TOMM20: variants seen among roughly 807,000 people sequenced by gnomAD.
The protein encoded by TOMM20 is mitochondrial import receptor subunit TOM20 homolog.
A neutral mutation model predicts 22.1 loss-of-function variants in TOMM20; 10 were observed. The ratio of observed to expected loss-of-function variants is 0.45; its 90% confidence interval spans 0.28 to 0.77. The LOEUF is 0.77. Ranked by LOEUF, TOMM20 falls within the 30% of genes least tolerant of loss-of-function variation. The pLI, the probability that TOMM20 is intolerant of heterozygous loss-of-function variation, is 0.13. For synonymous variants in TOMM20, 55 were observed against 61.4 expected, an observed-to-expected ratio of 0.90 and a Z score of 0.49; for missense variants, 121 against 172.2, an observed-to-expected ratio of 0.70 and a Z score of 1.66.
chr1:235,128,605 C>T lies in TOMM20; in HGVS notation c.111G>A (p.Arg37=). ...KRRSDPNFKN[R]LRERRKKQKL... is the part of the protein sequence containing the mutation. ...AGAGGACCCACTCACGTTCTCGAAG[C>T]CTGTTCTTGAAGTTGGGGTCACTTC... Residue 37 remains arginine, a synonymous_variant, in exon 1 of 5, where the codon AGG becomes AGA. Transcript: ENST00000366607. 6.2e-7 allele frequency: 1 copy of T among 1,612,786 alleles called. No homozygotes were observed. Among genetic ancestry groups the T allele is most frequent in the Non-Finnish European group, 8.5e-7 (1 of 1,179,936 alleles).
intron 2 of TOMM20, among the ~76,000 whole-genome samples, chr1:235,120,100 G>T (rs1660903401): frequency 6.6e-6 from 1 of 152,192 alleles, no homozygotes; most frequent in South Asian, 2.1e-4. Flanking sequence ...ACTTGAGTTT[G>T]TAGTTGAATA....
chr1:235,117,110 G>C (rs563611735), intron 3 of TOMM20, among the ~76,000 whole-genome samples: 1 of 114,280 alleles, frequency 8.8e-6, no homozygotes, highest in African/African-American at 3.4e-5. Context: ...ACTCCAGCCT[G>C]GGCGACAGAG....
Position 235,128,741 on chromosome 1 carries a change from G to A in TOMM20, c.-26C>T, listed in dbSNP as rs200119565. 3.5e-4 allele frequency: 566 copies of A among 1,613,178 alleles called. 2 individuals carry two copies. In the African/African-American group the frequency reaches 6.9e-3, roughly 20 times the overall value. ...CTTCTCTACAACGCTGAGCGTGGACGGTGGCGGCAGGGACCGCGAAGGAGC... is the reference window on the plus strand; with the variant it reads ...CTTCTCTACAACGCTGAGCGTGGACAGTGGCGGCAGGGACCGCGAAGGAGC... On this transcript the variant is annotated 5_prime_UTR_variant, in exon 1 of 5. Transcript: ENST00000366607.
intron 1 of TOMM20, 141 bp downstream of exon 1, chr1:235,128,454 A>G (rs1661072131): frequency 7.6e-7 from 1 of 1,324,316 alleles, no homozygotes. Flanking sequence ...GGAGCGGCGC[A>G]GCCAGCGCCA....
intron 3 of TOMM20, among the ~76,000 whole-genome samples, chr1:235,116,744 T>C (rs1660834649): frequency 6.6e-6 from 1 of 151,912 alleles, no homozygotes; most frequent in Admixed American, 6.6e-5. Context: ...CTCAGACCTT[T>C]TCCAGTTCTT....
intron 3 of TOMM20, among the ~76,000 whole-genome samples, chr1:235,116,650 G>C (rs1660832666): frequency 6.6e-6 from 1 of 151,718 alleles, no homozygotes; most frequent in Non-Finnish European, 1.5e-5. Flanking sequence ...GGTGGAAGTT[G>C]CAGTGAGCTG....
intron 1 of TOMM20, among the ~76,000 whole-genome samples, chr1:235,125,793 A>C (rs1464086991): frequency 6.7e-6 from 1 of 148,332 alleles, no homozygotes; most frequent in Non-Finnish European, 1.5e-5. Context: ...CTCTGTCCCC[A>C]GGCTGGAGTG....
At chr1:235,116,986 C>T (rs994209777) in intron 3 of TOMM20, among the ~76,000 whole-genome samples, 143 of 150,128 alleles carry the variant, frequency 9.5e-4, no homozygotes, top group African/African-American at 1.6e-3. Context: ...ATACAAAAAA[C>T]TAGCCGGGCG....
chr1:235,121,267 A>G (rs4589167), intron 2 of TOMM20, among the ~76,000 whole-genome samples: 5 of 152,162 alleles, frequency 3.3e-5, no homozygotes, highest in Non-Finnish European at 7.4e-5. Flanking sequence ...TACACTGTAC[A>G]TACTCTTATT....
At chr1:235,122,134 G>A (rs1660940679) in intron 2 of TOMM20, among the ~76,000 whole-genome samples, 192 bp downstream of exon 2, 1 of 152,094 alleles carries the variant, frequency 6.6e-6, no homozygotes. Flanking sequence ...AAGAAATAAT[G>A]AAGGACTCGA....
rs533129011 is a variant in TOMM20 at position 235,125,246 on chromosome 1, G to A, written c.122-2874C>T. Among the ~76,000 whole-genome samples the A allele has an allele frequency of 2.4e-4, 36 of 151,986 alleles. 1 individual carries two copies. The highest frequency in any genetic ancestry group is 7.7e-4 in the African/African-American group (32 of 41,416). ...TTTTTTCTTTTTGAGACGGAGTCTC[G>A]CTTTGTCGCCCAGGCGGGAGTGCAG... On this transcript the variant is annotated intron_variant, in intron 1 of 4. Transcript: ENST00000366607.
At chr1:235,125,316 G>T (rs528595606) in intron 1 of TOMM20, among the ~76,000 whole-genome samples, 1 of 152,150 alleles carries the variant, frequency 6.6e-6, no homozygotes, top group African/African-American at 2.4e-5. Context: ...CCGAGTTCAC[G>T]CCATTCTCCT....
chr1:235,123,009 G>A (rs1660952504), intron 1 of TOMM20, among the ~76,000 whole-genome samples: 1 of 152,164 alleles, frequency 6.6e-6, no homozygotes. Context: ...TTAAGAAAAT[G>A]TAAGGCTCCA....
intron 4 of TOMM20, 108 bp downstream of exon 4, chr1:235,113,660 T>C (rs939739880): frequency 3.0e-5 from 41 of 1,385,414 alleles, no homozygotes; most frequent in Non-Finnish European, 3.9e-5. Flanking sequence ...GTTTTCATTA[T>C]ACAGATAAGT....
At chr1:235,114,446 T>C (rs984280351) in intron 3 of TOMM20, among the ~76,000 whole-genome samples, 1 of 150,078 alleles carries the variant, frequency 6.7e-6, no homozygotes, top group Non-Finnish European at 1.5e-5. Context: ...TTTCTTTTTT[T>C]TTTTTTTTTT....
At chr1:235,125,560 T>C (rs866078619) in intron 1 of TOMM20, among the ~76,000 whole-genome samples, 1 of 152,170 alleles carries the variant, frequency 6.6e-6, no homozygotes, top group Middle Eastern at 3.4e-3. Context: ...ATGAGCTACA[T>C]GCCTTATGTG....
chr1:235,126,772 C>T (rs1275813852), intron 1 of TOMM20, among the ~76,000 whole-genome samples: 1 of 152,102 alleles, frequency 6.6e-6, no homozygotes, highest in Non-Finnish European at 1.5e-5. Context: ...TGCACTCGAG[C>T]CTGGGCGACA....
intron 1 of TOMM20, among the ~76,000 whole-genome samples, chr1:235,128,298 A>G (rs1661067650): frequency 6.6e-6 from 1 of 152,280 alleles, no homozygotes. Flanking sequence ...ACGACAAAAA[A>G]AGAGACAACC....
At chr1:235,125,616 A>C (rs1054248948) in intron 1 of TOMM20, among the ~76,000 whole-genome samples, 2 of 152,188 alleles carry the variant, frequency 1.3e-5, no homozygotes, top group Non-Finnish European at 2.9e-5. Flanking sequence ...ATTGGAAATA[A>C]GACTAGAAGA....
Sources: gnomAD v4.1 joint callset for allele counts (sites outside exome capture counted in the v4.1 genomes callset) on GRCh38, gnomAD v4.1.1 for gene constraint, MANE v1.5 for transcripts, NCBI Gene and HGNC (gene_info 2026-07-23, HGNC 2026-07-21) for gene names.